Variants in PTGFRN observed in about 807,000 individuals in gnomAD.
PTGFRN encodes prostaglandin F2 receptor negative regulator.
In PTGFRN, 35 loss-of-function variants were observed where a neutral mutation model predicts 83.2. The observed-to-expected ratio is 0.42, with a 90% CI of 0.32 to 0.56. The LOEUF (loss-of-function observed/expected upper bound fraction) is 0.56. Among genes scored for constraint, PTGFRN ranks in the 20% least tolerant of loss-of-function variants. The pLI, the probability that PTGFRN is intolerant of heterozygous loss-of-function variation, is 0.11. For synonymous variants in PTGFRN, 519 were observed against 498.6 expected, an observed-to-expected ratio of 1.04 and a Z score of -0.55; for missense variants, 1,051 against 1,179.5, an observed-to-expected ratio of 0.89 and a Z score of 1.60.
intron 7 of PTGFRN, among the ~76,000 whole-genome samples, chr1:116,975,166 G>C (rs751833558): frequency 6.6e-5 from 10 of 152,200 alleles, no homozygotes; most frequent in Admixed American, 2.0e-4. Flanking sequence ...AGGTGGCAGC[G>C]AGGCTGGGGG....
At position 116,987,975 on chromosome 1, in the gene PTGFRN, G is replaced by A. The variant is rs559006153; in HGVS notation, c.*1008G>A. ...ACTATTCCTCTCTCTTGCCCATTGT[G>A]GGGGGCAAAGGCATTGGTCACCAAG... On this transcript the variant is annotated 3_prime_UTR_variant, in exon 9 of 9. Transcript: ENST00000393203. 5 of 152,310 alleles carry A rather than the reference G, an allele frequency of 3.3e-5. 1 individual carries two copies. The highest frequency in any genetic ancestry group is 1.2e-4 in the African/African-American group (5 of 41,538). The allele number at this position is 152,310 out of a possible 1,614,324, so 9.4% of individuals were successfully genotyped here. A position where few individuals can be genotyped will look rare whatever the true frequency, so the allele number is the denominator to read the frequency against.
At chr1:116,971,192 T>C (rs866906330) in intron 6 of PTGFRN, among the ~76,000 whole-genome samples, 1 of 152,200 alleles carries the variant, frequency 6.6e-6, no homozygotes, top group African/African-American at 2.4e-5. Context: ...TTTCTCCCTT[T>C]AGTGTTATAA....
intron 1 of PTGFRN, among the ~76,000 whole-genome samples, chr1:116,929,447 C>A (rs1232186560): frequency 1.3e-5 from 2 of 152,222 alleles, no homozygotes; most frequent in African/African-American, 4.8e-5. Flanking sequence ...TGATGTGCTT[C>A]CCATTTCAAC....
chr1:116,979,421 T>G (rs1186877614), intron 7 of PTGFRN, among the ~76,000 whole-genome samples: 1 of 152,236 alleles, frequency 6.6e-6, no homozygotes, highest in Non-Finnish European at 1.5e-5. Flanking sequence ...AAGTCAATCC[T>G]AAGCCAAAAG....
intron 2 of PTGFRN, 47 bp downstream of exon 2, chr1:116,942,130 C>T (rs1350442120): frequency 1.3e-6 from 2 of 1,561,414 alleles, no homozygotes; most frequent in Admixed American, 1.8e-5. Flanking sequence ...AGACCTTTCT[C>T]TGCCCCTGGG....
intron 4 of PTGFRN, among the ~76,000 whole-genome samples, chr1:116,959,034 A>T (rs1014368557): frequency 6.6e-6 from 1 of 152,226 alleles, no homozygotes; most frequent in African/African-American, 2.4e-5. Flanking sequence ...AGATGGACTT[A>T]GTTGTCCTGC....
chr1:116,953,356 A>G (rs780287215), intron 4 of PTGFRN, among the ~76,000 whole-genome samples: 68 of 152,206 alleles, frequency 4.5e-4, no homozygotes, highest in Non-Finnish European at 7.8e-4. Context: ...TTTAAGGATA[A>G]CTAATATCAG....
chr1:116,939,005 C>G (rs1433008755), intron 1 of PTGFRN, among the ~76,000 whole-genome samples: 4 of 152,252 alleles, frequency 2.6e-5, no homozygotes, highest in African/African-American at 9.6e-5. Context: ...CACGCTAATG[C>G]AAGAGGTGGG....
Position 116,949,293 on chromosome 1 carries a change from G to A in PTGFRN, c.934G>A (p.Glu312Lys), listed in dbSNP as rs773910797. ...AGACCGAGCCGATGACGTCCGGCCC[G>A]AGGTGACGTGGTCCTTCAGCAGGAT... is the stretch of plus-strand genomic sequence containing the variant. ...TTDRADDVRP[E>K]VTWSFSRMPD... The change falls in exon 4 of 9, where the codon GAG (glutamate) becomes AAG (lysine). Residue 312 changes from glutamate (E) to lysine (K), a missense_variant. By Grantham distance (56) the Glu-to-Lys change is moderately conservative (BLOSUM62 1). Transcript: ENST00000393203. 72 of 1,614,268 alleles carry A rather than the reference G, an allele frequency of 4.5e-5. No homozygotes were observed. The Middle Eastern group carries it at 4.9e-4, about 11-fold the overall frequency.
intron 1 of PTGFRN, among the ~76,000 whole-genome samples, chr1:116,924,403 C>A (rs1649606567): frequency 6.6e-6 from 1 of 152,122 alleles, no homozygotes; most frequent in African/African-American, 2.4e-5. Flanking sequence ...CCTCAGCCTC[C>A]CAAAGGGCTG....
chr1:116,944,672 T>G lies in PTGFRN; in HGVS notation c.419-7T>G, dbSNP rs1044620119. ...CGGGCTACTGACCTAGCTTTCTCTC[T>G]CCGCAGTGCTGGCCGACTCCCTGCA... On this transcript the variant is annotated splice_region_variant and splice_polypyrimidine_tract_variant and intron_variant, in intron 2 of 8. Coordinates refer to ENST00000393203, the MANE Select transcript of PTGFRN (RefSeq NM_020440.4). 1.2e-5 allele frequency: 17 copies of G among 1,410,056 alleles called. No individual in the cohort carries two copies. Among genetic ancestry groups the G allele is most frequent in the Non-Finnish European group, 1.6e-5 (17 of 1,082,372 alleles). The allele number at this position is 1,410,056 out of a possible 1,614,324, so 87.3% of individuals were successfully genotyped here. A position where few individuals can be genotyped will look rare whatever the true frequency, so the allele number is the denominator to read the frequency against.
chr1:116,946,840 G>T (rs1650213105), intron 3 of PTGFRN, among the ~76,000 whole-genome samples: 1 of 152,168 alleles, frequency 6.6e-6, no homozygotes, highest in Non-Finnish European at 1.5e-5. Flanking sequence ...GTAATATGCT[G>T]CTTTATTAAT....
chr1:116,960,949 T>G (rs1401138010), intron 4 of PTGFRN, among the ~76,000 whole-genome samples: 1 of 152,138 alleles, frequency 6.6e-6, no homozygotes, highest in African/African-American at 2.4e-5. Flanking sequence ...TTGGGGAAAC[T>G]GACAGCAGAC....
At position 116,958,221 on chromosome 1, in the gene PTGFRN, T is replaced by C. The variant is rs1418736136; in HGVS notation, c.1214-3022T>C. Among the ~76,000 whole-genome samples the C allele has an allele frequency of 6.6e-6, 1 of 152,160 alleles. No homozygotes were observed. The highest frequency in any genetic ancestry group is 2.4e-5 in the African/African-American group (1 of 41,422). On this transcript the variant is annotated intron_variant, in intron 4 of 8. Transcript: ENST00000393203. The surrounding 1 kb of genome is among the most constrained non-coding windows in gnomAD (Gnocchi z 4.9). ...AGAGGAGTCCCCACAGGCAACTTCA[T>C]GGTGTTTTGGATCACACTGGTCAGT... is the stretch of plus-strand genomic sequence containing the variant.
chr1:116,975,593 G>A (rs1651123261), intron 7 of PTGFRN, among the ~76,000 whole-genome samples: 1 of 152,304 alleles, frequency 6.6e-6, no homozygotes, highest in South Asian at 2.1e-4. Flanking sequence ...AACCTCCACT[G>A]CTGATACCCA....
chr1:116,939,744 T>A (rs1298773688), intron 1 of PTGFRN, among the ~76,000 whole-genome samples: 3 of 152,246 alleles, frequency 2.0e-5, no homozygotes, highest in Admixed American at 6.5e-5. Flanking sequence ...TCCAAACTTT[T>A]ATGCTCTGCT....
chr1:116,933,538 C>T (rs1649849938), intron 1 of PTGFRN, among the ~76,000 whole-genome samples: 1 of 152,218 alleles, frequency 6.6e-6, no homozygotes, highest in Admixed American at 6.5e-5. Context: ...CTGTTGCTCA[C>T]TTTGCCTTCT....
At chr1:116,965,518 C>T (rs1172735493) in intron 5 of PTGFRN, among the ~76,000 whole-genome samples, 1 of 152,140 alleles carries the variant, frequency 6.6e-6, no homozygotes, top group African/African-American at 2.4e-5. Context: ...CTCCTGGCCT[C>T]ATGCAATCCT....
At position 116,949,617 on chromosome 1, in the gene PTGFRN, C is replaced by G. The variant is rs377750427; in HGVS notation, c.1213+45C>G. The G allele has an allele frequency of 8.9e-5, 139 of 1,562,776 alleles. 1 individual carries two copies. The Admixed American group carries it at 2.4e-3, about 27-fold the overall frequency. On this transcript the variant is annotated intron_variant, in intron 4 of 8. Transcript: ENST00000393203. ...ACTCTTAACCTCTTCAGCTTAACCC[C>G]TCCTCGGAGTTATCTGAAGGAGTTA...
Sources: gnomAD v4.1 joint callset for allele counts (sites outside exome capture counted in the v4.1 genomes callset) on GRCh38, gnomAD v4.1.1 for gene constraint, Gnocchi (gnomAD v3.1) non-coding constraint, MANE v1.5 for transcripts, NCBI Gene and HGNC (gene_info 2026-07-23, HGNC 2026-07-21) for gene names.